Variants in PTPRM observed in about 807,000 individuals in gnomAD.
PTPRM encodes the protein protein tyrosine phosphatase receptor type M, also known as receptor-type tyrosine-protein phosphatase mu.
Under a neutral mutation model 186.7 loss-of-function variants are expected in PTPRM, and 47 were observed. That is an observed-to-expected ratio of 0.25 (90% CI 0.20 to 0.32). PTPRM has a LOEUF of 0.32. Ranked by LOEUF, PTPRM falls within the 10% of genes least tolerant of loss-of-function variation. PTPRM has a pLI of 1.00. For synonymous variants in PTPRM, 668 were observed against 674.9 expected (o/e 0.99, Z 0.16); for missense variants, 1,494 against 1,865.0 (o/e 0.80, Z 3.66).
At chr18:7,889,564 T>C (rs1035199561) in intron 3 of PTPRM, among the ~76,000 whole-genome samples, 2 of 152,064 alleles carry the variant, frequency 1.3e-5, no homozygotes, top group African/African-American at 4.8e-5. Flanking sequence ...GTCTCAAACT[T>C]CTGGTCGCAG....
chr18:7,754,456 C>G (rs2041370370), intron 1 of PTPRM, among the ~76,000 whole-genome samples: 1 of 152,104 alleles, frequency 6.6e-6, no homozygotes, highest in African/African-American at 2.4e-5. Context: ...CCAACAGACA[C>G]CAGGATTATT....
intron 4 of PTPRM, among the ~76,000 whole-genome samples, chr18:7,921,931 C>G (rs1026959985): frequency 6.6e-6 from 1 of 152,088 alleles, no homozygotes; most frequent in African/African-American, 2.4e-5. Flanking sequence ...GTTTTTGTTT[C>G]TTGTGGATGT....
intron 14 of PTPRM, among the ~76,000 whole-genome samples, chr18:8,237,855 T>C (rs1376250564): frequency 6.6e-6 from 1 of 152,226 alleles, no homozygotes; most frequent in African/African-American, 2.4e-5. Flanking sequence ...TTCAACATAA[T>C]GAATATTTCA....
chr18:7,885,047 CA>C (rs2146320435), intron 2 of PTPRM, among the ~76,000 whole-genome samples: 1 of 145,176 alleles, frequency 6.9e-6, no homozygotes, highest in South Asian at 2.3e-4. Context: ...TGAACAAAAA[CA>C]TTGACAAAAC....
chr18:7,786,203 A>G (rs2145149668), intron 2 of PTPRM, among the ~76,000 whole-genome samples: 1 of 152,358 alleles, frequency 6.6e-6, no homozygotes, highest in Non-Finnish European at 1.5e-5. Flanking sequence ...AAATAAATAT[A>G]GCTATTTAAT....
At chr18:7,614,078 T>A (rs2037744957) in intron 1 of PTPRM, among the ~76,000 whole-genome samples, 1 of 152,240 alleles carries the variant, frequency 6.6e-6, no homozygotes, top group South Asian at 2.1e-4. Flanking sequence ...GGAAAAATAC[T>A]TTTTCTTCCA....
At chr18:8,389,532 T>G (rs902552246) in intron 31 of PTPRM, among the ~76,000 whole-genome samples, 1 of 152,160 alleles carries the variant, frequency 6.6e-6, no homozygotes, top group Non-Finnish European at 1.5e-5. Context: ...TCTCTTCCCA[T>G]TTTCCACTGA....
chr18:8,385,485 C>T (rs2095766306), intron 30 of PTPRM, among the ~76,000 whole-genome samples: 1 of 152,142 alleles, frequency 6.6e-6, no homozygotes, highest in African/African-American at 2.4e-5. Flanking sequence ...GTCCAGGGAG[C>T]ACCGAGGCTC....
At chr18:7,889,803 C>G (rs2146366964) in intron 3 of PTPRM, among the ~76,000 whole-genome samples, 1 of 152,304 alleles carries the variant, frequency 6.6e-6, no homozygotes, top group African/African-American at 2.4e-5. Context: ...CCCATGTAAG[C>G]AACAGGAAGA....
chr18:7,599,046 A>T (rs1238488320), intron 1 of PTPRM, among the ~76,000 whole-genome samples: 1 of 152,196 alleles, frequency 6.6e-6, no homozygotes, highest in Non-Finnish European at 1.5e-5. Flanking sequence ...CTGTGGCATG[A>T]GTAGTTTAAT....
chr18:8,277,170 C>G (rs1372717402), intron 19 of PTPRM, among the ~76,000 whole-genome samples: 2 of 152,124 alleles, frequency 1.3e-5, no homozygotes, highest in African/African-American at 4.8e-5. Flanking sequence ...CTCCTGGCCT[C>G]AAGTGAGCCA....
chr18:8,235,002 A>AT (rs1171554352), intron 14 of PTPRM, among the ~76,000 whole-genome samples: 1 of 152,000 alleles, frequency 6.6e-6, no homozygotes, highest in African/African-American at 2.4e-5. Flanking sequence ...TCTGTTGAAG[A>AT]TTTTTGCATC....
chr18:7,874,981 C>T (rs1411244217), intron 2 of PTPRM, among the ~76,000 whole-genome samples: 1 of 152,054 alleles, frequency 6.6e-6, no homozygotes, highest in Non-Finnish European at 1.5e-5. Flanking sequence ...TCACTTGAGG[C>T]CAGGAGTTCG....
At chr18:7,972,479 T>TAAAAAAAAAAAAAAAAAAAAAAAA (rs11445031) in intron 7 of PTPRM, among the ~76,000 whole-genome samples, 2 of 44,366 alleles carry the variant, frequency 4.5e-5, no homozygotes, top group African/African-American at 1.2e-4. Flanking sequence ...AAAAAAACAT[T>TAAAAAAAAAAAAAAAAAAAAAAAA]AAAAAAAAAA....
chr18:7,681,418 A>G (rs2039477555), intron 1 of PTPRM, among the ~76,000 whole-genome samples: 1 of 152,032 alleles, frequency 6.6e-6, no homozygotes, highest in African/African-American at 2.4e-5. Flanking sequence ...CAAATGTGTA[A>G]TTGTTGGTTT....
chr18:8,031,773 G>A (rs531086970), intron 7 of PTPRM, among the ~76,000 whole-genome samples: 1 of 152,274 alleles, frequency 6.6e-6, no homozygotes, highest in African/African-American at 2.4e-5. Flanking sequence ...GGAAGTCACT[G>A]AACCCAAGCA....
At chr18:8,175,715 G>T (rs2093470730) in intron 14 of PTPRM, among the ~76,000 whole-genome samples, 1 of 152,198 alleles carries the variant, frequency 6.6e-6, no homozygotes, top group African/African-American at 2.4e-5. Flanking sequence ...AAGCAGGGTG[G>T]CCTGGCTTAG....
At chr18:8,125,784 C>T (rs761836222) in intron 13 of PTPRM, among the ~76,000 whole-genome samples, 4 of 151,532 alleles carry the variant, frequency 2.6e-5, no homozygotes, top group African/African-American at 9.7e-5. Flanking sequence ...CCTTTTATCT[C>T]GCGATTCACT....
chr18:8,309,311 C>T (rs1299655353), intron 20 of PTPRM, among the ~76,000 whole-genome samples: 2 of 152,164 alleles, frequency 1.3e-5, no homozygotes, highest in African/African-American at 4.8e-5. Context: ...ACATCCTCAC[C>T]TGAACTTGGT....
Sources: gnomAD v4.1 joint callset for allele counts (sites outside exome capture counted in the v4.1 genomes callset) on GRCh38, gnomAD v4.1.1 for gene constraint, MANE v1.5 for transcripts, NCBI Gene and HGNC (gene_info 2026-07-23, HGNC 2026-07-21) for gene names.